STARD13: variants seen among roughly 807,000 people sequenced by gnomAD.
STARD13 encodes the protein StAR related lipid transfer domain containing 13, also known as stAR-related lipid transfer protein 13.
A neutral mutation model predicts 106.4 loss-of-function variants in STARD13; 62 were observed. That is an observed-to-expected ratio of 0.58 (90% CI 0.48 to 0.72). The LOEUF is 0.72. Ranked by LOEUF, STARD13 falls within the 30% of genes least tolerant of loss-of-function variation. STARD13 has a pLI of 0.00. For missense variants in STARD13, 1,387 were observed against 1,424.0 expected, an observed-to-expected ratio of 0.97 and a Z score of 0.42; for synonymous variants, 565 against 553.0, an observed-to-expected ratio of 1.02 and a Z score of -0.31.
the STARD13 span, among the ~76,000 whole-genome samples, chr13:33,422,846 A>G: frequency 6.6e-6 from 1 of 152,246 alleles, no homozygotes; most frequent in Non-Finnish European, 1.5e-5. Flanking sequence ...AAATGGGGAA[A>G]GGATACCCTA....
At chr13:33,508,117 T>A in the STARD13 span, among the ~76,000 whole-genome samples, 2 of 152,200 alleles carry the variant, frequency 1.3e-5, no homozygotes, top group Non-Finnish European at 2.9e-5. Flanking sequence ...ACAGGCTTTT[T>A]GATTTAGCAT....
chr13:33,257,968 C>G (rs1002256527), intron 1 of STARD13, among the ~76,000 whole-genome samples: 14 of 152,212 alleles, frequency 9.2e-5, no homozygotes, highest in Non-Finnish European at 1.8e-4. Context: ...CATGTGTTGG[C>G]AAGAGCCCTT....
At chr13:33,202,825 G>A (rs559408557) in intron 1 of STARD13, among the ~76,000 whole-genome samples, 1 of 152,200 alleles carries the variant, frequency 6.6e-6, no homozygotes, top group Non-Finnish European at 1.5e-5. Context: ...CTGGTGGGTG[G>A]GGCAGGAGGG....
At chr13:33,247,546 G>A (rs1023738271) in intron 1 of STARD13, among the ~76,000 whole-genome samples, 2 of 151,870 alleles carry the variant, frequency 1.3e-5, no homozygotes, top group African/African-American at 4.8e-5. Context: ...CGTTATATTA[G>A]ATATAATATA....
rs117236956 is a variant in STARD13 at position 33,307,199 on chromosome 13, C to T, written c.124+43091G>A. Among the ~76,000 whole-genome samples the T allele has an allele frequency of 3.7e-4, 57 of 152,284 alleles. 1 individual carries two copies. In the East Asian group the frequency reaches 0.01, roughly 27 times the overall value. ...GCAGAAAAAAAGAAATGCCTTTACA[C>T]GGTCGGTGGGGATGCAAATTAGTTC... On this transcript the variant is annotated intron_variant, in intron 1 of 5. Coordinates refer to the STARD13 transcript ENST00000567873.
upstream of STARD13, among the ~76,000 whole-genome samples, chr13:33,288,334 A>T (rs1436595045): frequency 2.0e-5 from 3 of 151,990 alleles, no homozygotes; most frequent in Non-Finnish European, 4.4e-5. Flanking sequence ...GCAGTGGCGC[A>T]ATCATAGTTC....
At chr13:33,443,888 C>CAAA in the STARD13 span, among the ~76,000 whole-genome samples, 307 of 45,330 alleles carry the variant, frequency 6.8e-3, no homozygotes, top group Middle Eastern at 0.012. Context: ...GACTCAGTCT[C>CAAA]AAAAAAAAAA....
At chr13:33,325,631 C>T (rs1053421450) in intron 1 of STARD13, among the ~76,000 whole-genome samples, 2 of 152,098 alleles carry the variant, frequency 1.3e-5, no homozygotes, top group Non-Finnish European at 2.9e-5. Flanking sequence ...AATGCATACA[C>T]TGCATCCCCA....
chr13:33,589,752 G>T, the STARD13 span, among the ~76,000 whole-genome samples: 1 of 152,166 alleles, frequency 6.6e-6, no homozygotes, highest in Admixed American at 6.5e-5. Flanking sequence ...GTGCGATGTG[G>T]TGCTGAGAAG....
At chr13:33,622,530 T>C in the STARD13 span, among the ~76,000 whole-genome samples, 2 of 139,152 alleles carry the variant, frequency 1.4e-5, no homozygotes, top group South Asian at 4.4e-4. Flanking sequence ...TCCCAGCTAC[T>C]AGGGAGGCAG....
chr13:33,227,981 G>GT (rs778101583), intron 1 of STARD13, among the ~76,000 whole-genome samples: 40 of 152,144 alleles, frequency 2.6e-4, no homozygotes, highest in Middle Eastern at 3.2e-3. Flanking sequence ...ATGTGCGATC[G>GT]TAAAACGAAA....
At chr13:33,386,269 T>C in the STARD13 span, among the ~76,000 whole-genome samples, 1 of 152,220 alleles carries the variant, frequency 6.6e-6, no homozygotes, top group Non-Finnish European at 1.5e-5. Context: ...ATAAAAAGCT[T>C]CAAATTGGAT....
intron 1 of STARD13, among the ~76,000 whole-genome samples, chr13:33,194,452 T>C (rs991339462): frequency 5.3e-5 from 8 of 152,206 alleles, no homozygotes; most frequent in African/African-American, 1.4e-4. Flanking sequence ...ATTTACATTA[T>C]CTTGTAAATG....
chr13:33,274,347 C>T (rs1442654788), intron 1 of STARD13, among the ~76,000 whole-genome samples: 1 of 152,016 alleles, frequency 6.6e-6, no homozygotes, highest in Non-Finnish European at 1.5e-5. Flanking sequence ...GAAGGAAGAC[C>T]AGGTGAAGAT....
chr13:33,566,711 G>T, the STARD13 span, among the ~76,000 whole-genome samples: 3,503 of 147,796 alleles, frequency 0.024, 361 homozygotes, highest in Middle Eastern at 0.093. Flanking sequence ...TGGTAAGTCA[G>T]AGAAACCTAG....
At chr13:33,673,987 A>C in the STARD13 span, among the ~76,000 whole-genome samples, 1 of 151,298 alleles carries the variant, frequency 6.6e-6, no homozygotes, top group African/African-American at 2.4e-5. Context: ...CAGCCTCCCG[A>C]GTAGCTGGAA....
the STARD13 span, among the ~76,000 whole-genome samples, chr13:33,596,825 A>G: frequency 2.6e-5 from 4 of 152,124 alleles, no homozygotes; most frequent in African/African-American, 9.7e-5. Flanking sequence ...ACCTAACATA[A>G]CGACCTACAG....
In STARD13 at chr13:33,232,430, G is replaced by C. The variant is rs1006335056; in HGVS notation, c.169+53040C>G. On this transcript the variant is annotated intron_variant, in intron 1 of 13. Coordinates refer to ENST00000336934, the MANE Select transcript of STARD13 (RefSeq NM_178006.4). ...TTTTTTTTCAAATATTTTTATCTGGGATTTGTTGACTCACAAGTGGGGAAG... is the reference window on the plus strand; with the variant it reads ...TTTTTTTTCAAATATTTTTATCTGGCATTTGTTGACTCACAAGTGGGGAAG... Among the ~76,000 whole-genome samples, 6 of 151,388 alleles carry C rather than the reference G, an allele frequency of 4.0e-5. No individual in the cohort carries two copies. The East Asian group carries it at 1.2e-3, about 29-fold the overall frequency.
the STARD13 span, among the ~76,000 whole-genome samples, chr13:33,432,017 G>C: frequency 6.6e-6 from 1 of 152,162 alleles, no homozygotes; most frequent in African/African-American, 2.4e-5. Flanking sequence ...AGTAAGCCAG[G>C]TAGAGAAGTC....
Sources: gnomAD v4.1 joint callset for allele counts (sites outside exome capture counted in the v4.1 genomes callset) on GRCh38, gnomAD v4.1.1 for gene constraint, MANE v1.5 for transcripts, NCBI Gene and HGNC (gene_info 2026-07-23, HGNC 2026-07-21) for gene names.